The following NELL1 variants were observed in gnomAD, a reference collection of about 807,000 sequenced individuals.
NELL1 encodes the protein neural EGFL like 1.
NELL1 carries 76 observed loss-of-function variants against 107.4 expected under a neutral mutation model. The ratio of observed to expected loss-of-function variants is 0.71; its 90% confidence interval spans 0.59 to 0.86. NELL1 has a LOEUF of 0.86. Among genes scored for constraint, NELL1 ranks in the 40% least tolerant of loss-of-function variants. The pLI, the probability that NELL1 is intolerant of heterozygous loss-of-function variation, is 0.00. For synonymous variants in NELL1, 353 were observed against 341.2 expected (o/e 1.03, Z -0.38); for missense variants, 1,024 against 1,005.5 (o/e 1.02, Z -0.25).
At chr11:21,007,765 A>G (rs987444599) in intron 12 of NELL1, among the ~76,000 whole-genome samples, 1 of 152,004 alleles carries the variant, frequency 6.6e-6, no homozygotes, top group African/African-American at 2.4e-5. Flanking sequence ...TCAAAGAACA[A>G]TGATAATCGG....
At chr11:21,494,079 A>T (rs916471446) in intron 15 of NELL1, among the ~76,000 whole-genome samples, 1 of 151,982 alleles carries the variant, frequency 6.6e-6, no homozygotes, top group African/African-American at 2.4e-5. Flanking sequence ...ATTGATTTTT[A>T]CCAAAGCCAT....
In NELL1 at chr11:21,396,290, A is replaced by G. The variant is rs528885650; in HGVS notation, c.1645+25342A>G. Among the ~76,000 whole-genome samples the G allele has an allele frequency of 9.3e-4, 141 of 151,776 alleles. 1 individual carries two copies. The highest frequency in any genetic ancestry group is 3.3e-3 in the African/African-American group (135 of 41,502). The stretch of plus-strand genomic sequence containing the variant: ...AGCAACTGAATTCACCCACATTTAT[A>G]TGATTTCTTAATTCATTCACATATA... On this transcript the variant is annotated intron_variant, in intron 15 of 19. Coordinates refer to ENST00000357134, the MANE Select transcript of NELL1 (RefSeq NM_006157.5).
chr11:20,821,437 T>C (rs1857750948), intron 3 of NELL1, among the ~76,000 whole-genome samples: 1 of 152,158 alleles, frequency 6.6e-6, no homozygotes, highest in Non-Finnish European at 1.5e-5. Flanking sequence ...GATGTATTCA[T>C]TCTTCTGCAG....
intron 14 of NELL1, among the ~76,000 whole-genome samples, chr11:21,235,435 C>T (rs1416056943): frequency 6.6e-6 from 1 of 152,094 alleles, no homozygotes; most frequent in Non-Finnish European, 1.5e-5. Context: ...CTCAATCAAT[C>T]AGAAGAATCT....
rs370793326 is a variant in NELL1 at position 20,962,260 on chromosome 11, A to G, written c.1300+1700A>G. 7.2e-5 allele frequency among the ~76,000 whole-genome samples: 11 copies of G among 152,148 alleles called. No individual in the cohort carries two copies. In the South Asian group the frequency reaches 1.5e-3, roughly 20 times the overall value. On this transcript the variant is annotated intron_variant, in intron 12 of 19. Coordinates refer to ENST00000357134, the MANE Select transcript of NELL1 (RefSeq NM_006157.5). ...TTATGTTTAGATCTTCCCTTATGCT[A>G]TTTTCTATCAGAAAATTTAAGTAAT...
chr11:21,071,787 T>G (rs1854022127), intron 12 of NELL1, among the ~76,000 whole-genome samples: 1 of 152,208 alleles, frequency 6.6e-6, no homozygotes, highest in Non-Finnish European at 1.5e-5. Context: ...GAAAGTTCTT[T>G]GAGTCCTTTT....
intron 15 of NELL1, among the ~76,000 whole-genome samples, chr11:21,471,252 A>T (rs1854172865): frequency 6.6e-6 from 1 of 152,032 alleles, no homozygotes; most frequent in Admixed American, 6.6e-5. Context: ...AAAAAAAAAT[A>T]GGCTTGGAAA....
chr11:20,887,151 T>C (rs559870718), intron 5 of NELL1, among the ~76,000 whole-genome samples: 1 of 152,332 alleles, frequency 6.6e-6, no homozygotes, highest in East Asian at 1.9e-4. Context: ...CACCAAGTTG[T>C]TGTGTGTATC....
chr11:20,988,476 T>G (rs199840499), intron 12 of NELL1, among the ~76,000 whole-genome samples: 20 of 132,876 alleles, frequency 1.5e-4, no homozygotes, highest in African/African-American at 4.4e-4. Context: ...TGTATATATA[T>G]CTATATATAC....
chr11:20,717,234 T>C (rs1855273291), intron 2 of NELL1, among the ~76,000 whole-genome samples: 1 of 152,202 alleles, frequency 6.6e-6, no homozygotes, highest in African/African-American at 2.4e-5. Flanking sequence ...TAATACTACA[T>C]TGTGAGGCAG....
chr11:20,767,902 T>G (rs906605036), intron 2 of NELL1, among the ~76,000 whole-genome samples: 3 of 152,150 alleles, frequency 2.0e-5, no homozygotes, highest in Admixed American at 2.0e-4. Flanking sequence ...TACTAATAAA[T>G]GAGTAACTTT....
intron 16 of NELL1, among the ~76,000 whole-genome samples, chr11:21,544,283 T>C (rs1451641116): frequency 6.6e-6 from 1 of 151,910 alleles, no homozygotes; most frequent in Non-Finnish European, 1.5e-5. Flanking sequence ...CTAAGCTAGG[T>C]GGTAGGTAGG....
chr11:20,829,782 GTTA>G (rs2134035255), intron 3 of NELL1, among the ~76,000 whole-genome samples: 1 of 151,928 alleles, frequency 6.6e-6, no homozygotes, highest in Non-Finnish European at 1.5e-5. Flanking sequence ...TCATGATTAA[GTTA>G]TTATTATTTT....
rs533288463 is a variant in NELL1, at chr11:20,675,001, G to A, written c.56-2931G>A. 7.1e-4 allele frequency among the ~76,000 whole-genome samples: 108 copies of A among 152,228 alleles called. 1 individual carries two copies. The highest frequency in any genetic ancestry group is 6.2e-4 in the South Asian group (3 of 4,822). On this transcript the variant is annotated intron_variant, in intron 1 of 19. Coordinates refer to ENST00000357134, the MANE Select transcript of NELL1 (RefSeq NM_006157.5). ...TCACATATCTGTAAATTGTGTTTGGGGTTGGCTTATCTAGGCTGCATTTGG... is the reference window on the plus strand; with the variant it reads ...TCACATATCTGTAAATTGTGTTTGGAGTTGGCTTATCTAGGCTGCATTTGG...
chr11:20,921,761 G>T (rs546521689), intron 7 of NELL1, among the ~76,000 whole-genome samples: 47 of 148,096 alleles, frequency 3.2e-4, no homozygotes, highest in African/African-American at 1.0e-3. Flanking sequence ...AAAGAAGAAG[G>T]TTATGGCAAG....
chr11:21,475,228 A>G (rs1230115666), intron 15 of NELL1, among the ~76,000 whole-genome samples: 1 of 152,098 alleles, frequency 6.6e-6, no homozygotes, highest in Admixed American at 6.6e-5. Flanking sequence ...GCTTTTTTTA[A>G]TTATGTGGAG....
intron 14 of NELL1, among the ~76,000 whole-genome samples, chr11:21,268,596 C>T (rs1175116449): frequency 6.6e-6 from 1 of 152,068 alleles, no homozygotes; most frequent in Non-Finnish European, 1.5e-5. Context: ...TGGAGAAGCA[C>T]TTGTGAAATT....
chr11:20,789,704 A>G (rs112284740), intron 3 of NELL1, among the ~76,000 whole-genome samples: 2,635 of 152,358 alleles, frequency 0.017, 92 homozygotes, highest in African/African-American at 0.06. Context: ...GAGAAGCTTT[A>G]TTGAGCAATA....
At chr11:20,941,577 C>A in intron 10 of NELL1, among the ~76,000 whole-genome samples, 1 of 152,074 alleles carries the variant, frequency 6.6e-6, no homozygotes, top group East Asian at 1.9e-4. Context: ...TAACGGAAGA[C>A]AATTATAGGC....
Sources: allele counts gnomAD v4.1 joint callset (sites outside exome capture counted in the v4.1 genomes callset), GRCh38; gene constraint gnomAD v4.1.1; transcripts MANE v1.5; gene names NCBI Gene and HGNC (gene_info 2026-07-23, HGNC 2026-07-21).